ZNF804B: variants seen among roughly 807,000 people sequenced by gnomAD.
ZNF804B encodes the protein zinc finger 804B.
In ZNF804B, 80 loss-of-function variants were observed where a neutral mutation model predicts 101.4. The ratio of observed to expected loss-of-function variants is 0.79; its 90% CI spans 0.66 to 0.95. The LOEUF (loss-of-function observed/expected upper bound fraction) is 0.95, where lower values mean the gene tolerates loss of function less well. Ranked by LOEUF, ZNF804B falls within the 40% of genes least tolerant of loss-of-function variation. ZNF804B has a pLI of 0.00. For synonymous variants in ZNF804B, 622 were observed against 558.8 expected (o/e 1.11, Z -1.59); for missense variants, 1,673 against 1,561.9 (o/e 1.07, Z -1.20).
rs143196909 is a variant in ZNF804B at position 88,767,864 on chromosome 7, A to C, written c.108+7780A>C. Among the ~76,000 whole-genome samples, 387 of 152,272 alleles carry C rather than the reference A, an allele frequency of 2.5e-3. 2 individuals carry two copies. Among genetic ancestry groups the C allele is most frequent in the South Asian group, 6.0e-3 (29 of 4,826 alleles). On this transcript the variant is annotated intron_variant, in intron 1 of 3. Coordinates refer to ENST00000333190, the MANE Select transcript of ZNF804B (RefSeq NM_181646.5). Reference sequence around the variant, plus strand: ...TTGCAGACGCTGTTCCCTCTACCCCAAAAATTTTTTACCCTTCATTTGTTG... The same window carrying C: ...TTGCAGACGCTGTTCCCTCTACCCCCAAAATTTTTTACCCTTCATTTGTTG...
intron 1 of ZNF804B, among the ~76,000 whole-genome samples, chr7:89,191,824 T>C (rs533929930): frequency 1.9e-4 from 29 of 152,174 alleles, no homozygotes; most frequent in Middle Eastern, 6.8e-3. Flanking sequence ...AATGTCAAAG[T>C]GTGATAGGTG....
intron 1 of ZNF804B, among the ~76,000 whole-genome samples, chr7:88,959,020 TG>T (rs1231495999): frequency 1.3e-5 from 2 of 151,474 alleles, no homozygotes; most frequent in Admixed American, 6.6e-5. Context: ...TCATTATCTT[TG>T]GTAGTGAGTA....
chr7:89,274,142 A>C lies in ZNF804B; in HGVS notation c.250-53202A>C, dbSNP rs557064672. On this transcript the variant is annotated intron_variant, in intron 2 of 3. Coordinates refer to ENST00000333190, the MANE Select transcript of ZNF804B (RefSeq NM_181646.5). Reference sequence around the variant, plus strand: ...GCTTCATTCTTTTTTTTTTCTTTTTATTTTATTTTATTTTCTTTTTCTTTT... The same window carrying C: ...GCTTCATTCTTTTTTTTTTCTTTTTCTTTTATTTTATTTTCTTTTTCTTTT... Among the ~76,000 whole-genome samples, 67 of 134,428 alleles carry C rather than the reference A, an allele frequency of 5.0e-4. 1 individual carries two copies. In the South Asian group the frequency reaches 8.1e-3, roughly 16 times the overall value. 88.2% of individuals were successfully genotyped at this position (134,428 alleles called of 152,430 possible).
At position 88,990,575 on chromosome 7, in the gene ZNF804B, A is replaced by G. The variant is rs567347803; in HGVS notation, c.109-227580A>G. ...CAGGTTCCTCTGACGTTAATGTTCA[A>G]AACATTTTCACCACTCTACCATATT... On this transcript the variant is annotated intron_variant, in intron 1 of 3. Transcript: ENST00000333190. Among the ~76,000 whole-genome samples, 272 of 152,238 alleles carry G rather than the reference A, an allele frequency of 1.8e-3. 2 individuals carry two copies. The highest frequency in any genetic ancestry group is 6.3e-3 in the African/African-American group (261 of 41,584).
intron 1 of ZNF804B, among the ~76,000 whole-genome samples, chr7:89,104,333 G>A (rs1325838058): frequency 6.6e-6 from 1 of 151,946 alleles, no homozygotes; most frequent in Non-Finnish European, 1.5e-5. Context: ...TCATACACCT[G>A]GTAAAATTCA....
intron 1 of ZNF804B, among the ~76,000 whole-genome samples, chr7:89,210,579 A>G (rs564228382): frequency 1.3e-5 from 2 of 152,174 alleles, no homozygotes; most frequent in Admixed American, 1.3e-4. Context: ...TCCCACTTAT[A>G]AGTAAGAACA....
chr7:89,120,207 G>A (rs1790379312), intron 1 of ZNF804B, among the ~76,000 whole-genome samples: 1 of 152,000 alleles, frequency 6.6e-6, no homozygotes, highest in South Asian at 2.1e-4. Flanking sequence ...TTGCTTGCTT[G>A]AACCTAGGAG....
At chr7:89,141,016 T>C (rs372442517) in intron 1 of ZNF804B, among the ~76,000 whole-genome samples, 25 of 152,088 alleles carry the variant, frequency 1.6e-4, no homozygotes, top group African/African-American at 5.1e-4. Flanking sequence ...GGATTATTAA[T>C]TGGCCTAATT....
chr7:88,807,475 C>G (rs1013323383), intron 1 of ZNF804B, among the ~76,000 whole-genome samples: 2 of 152,118 alleles, frequency 1.3e-5, no homozygotes, highest in African/African-American at 4.8e-5. Flanking sequence ...AAAGAATGAT[C>G]GCTCTGAATA....
intron 1 of ZNF804B, among the ~76,000 whole-genome samples, chr7:89,191,507 G>A (rs894644273): frequency 6.6e-6 from 1 of 152,026 alleles, no homozygotes; most frequent in Non-Finnish European, 1.5e-5. Flanking sequence ...ACAAATTATT[G>A]AGTTTGCTAT....
chr7:88,869,973 T>C (rs1478688525), intron 1 of ZNF804B, among the ~76,000 whole-genome samples: 1 of 152,134 alleles, frequency 6.6e-6, no homozygotes, highest in South Asian at 2.1e-4. Context: ...GGCTTAAATA[T>C]AGGGAAATAT....
chr7:88,843,962 A>G (rs529148367), intron 1 of ZNF804B, among the ~76,000 whole-genome samples: 7 of 152,160 alleles, frequency 4.6e-5, no homozygotes, highest in Non-Finnish European at 8.8e-5. Flanking sequence ...AAAATTGTTT[A>G]TAAAGATTAA....
Position 88,895,885 on chromosome 7 carries a change from T to C in ZNF804B, c.108+135801T>C, listed in dbSNP as rs116271832. ...ATACATTATTGAATAATTAAACAGGTGGGGGAAATAGACAAGTTTTCATGC... is the reference window on the plus strand; with the variant it reads ...ATACATTATTGAATAATTAAACAGGCGGGGGAAATAGACAAGTTTTCATGC... On this transcript the variant is annotated intron_variant, in intron 1 of 3. Coordinates refer to ENST00000333190, the MANE Select transcript of ZNF804B (RefSeq NM_181646.5). 1.7e-3 allele frequency among the ~76,000 whole-genome samples: 266 copies of C among 152,148 alleles called. 1 individual carries two copies. Among genetic ancestry groups the C allele is most frequent in the African/African-American group, 5.9e-3 (244 of 41,498 alleles).
chr7:89,174,705 T>C (rs1451352554), intron 1 of ZNF804B, among the ~76,000 whole-genome samples: 1 of 152,052 alleles, frequency 6.6e-6, no homozygotes, highest in Non-Finnish European at 1.5e-5. Context: ...CTAATTTACA[T>C]ACCCACCAAC....
intron 1 of ZNF804B, among the ~76,000 whole-genome samples, chr7:88,973,142 G>GTT (rs35965586): frequency 3.6e-5 from 5 of 138,448 alleles, no homozygotes; most frequent in African/African-American, 7.9e-5. Context: ...CCACTCAAGG[G>GTT]TTTTTTTTTT....
At chr7:88,854,474 TCTCTTTCCTTTC>T (rs1791512797) in intron 1 of ZNF804B, among the ~76,000 whole-genome samples, 21 of 111,608 alleles carry the variant, frequency 1.9e-4, no homozygotes, top group Middle Eastern at 4.2e-3. Flanking sequence ...TTTCTTTCTT[TCTCTTTCCTTTC>T]CTTTCCTTTC....
chr7:88,845,059 A>G (rs998367841), intron 1 of ZNF804B, among the ~76,000 whole-genome samples: 4 of 152,212 alleles, frequency 2.6e-5, no homozygotes, highest in Non-Finnish European at 5.9e-5. Flanking sequence ...CATGAAGATC[A>G]GGATTTGCTT....
chr7:88,998,197 A>G (rs952062497), intron 1 of ZNF804B, among the ~76,000 whole-genome samples: 9 of 151,872 alleles, frequency 5.9e-5, no homozygotes, highest in African/African-American at 2.2e-4. Flanking sequence ...TTCTTTGAGC[A>G]TGTATTATTT....
intron 1 of ZNF804B, among the ~76,000 whole-genome samples, chr7:88,805,909 GC>G (rs1250671334): frequency 6.6e-6 from 1 of 151,648 alleles, no homozygotes; most frequent in East Asian, 1.9e-4. Flanking sequence ...CCCAGGCAAA[GC>G]TGTTCTGGGC....
Sources: gnomAD v4.1 joint callset for allele counts (sites outside exome capture counted in the v4.1 genomes callset) on GRCh38, gnomAD v4.1.1 for gene constraint, MANE v1.5 for transcripts, NCBI Gene and HGNC (gene_info 2026-07-23, HGNC 2026-07-21) for gene names.